ZNF75A: variants seen among roughly 807,000 people sequenced by gnomAD.
The protein encoded by ZNF75A is zinc finger protein 75A.
In ZNF75A, 36 loss-of-function variants were observed where a neutral mutation model predicts 46.3. The ratio of observed to expected loss-of-function variants is 0.78; its 90% CI spans 0.60 to 1.03. The LOEUF (loss-of-function observed/expected upper bound fraction) is 1.03, where lower values mean the gene tolerates loss of function less well. Ranked by LOEUF, ZNF75A falls within the 50% of genes least tolerant of loss-of-function variation. The pLI is 0.00. For synonymous variants in ZNF75A, 234 were observed against 189.9 expected, an observed-to-expected ratio of 1.23 and a Z score of -1.91; for missense variants, 595 against 551.3, an observed-to-expected ratio of 1.08 and a Z score of -0.79.
At chr16:3,314,119 G>A (rs1567270735) in intron 5 of ZNF75A, among the ~76,000 whole-genome samples, 1 of 151,978 alleles carries the variant, frequency 6.6e-6, no homozygotes, top group Non-Finnish European at 1.5e-5. Context: ...ATAATCATCT[G>A]GGGAACCGGT....
chr16:3,314,040 A>T lies in ZNF75A; in HGVS notation c.823+865A>T, dbSNP rs151274414. ...AGTTTTGCTCAACTCAGAAAAATGT[A>T]TATCATGCAAGGGGAAAAAACGCTA... On this transcript the variant is annotated intron_variant, in intron 5 of 6. Coordinates refer to ENST00000669516, the MANE Select transcript of ZNF75A (RefSeq NM_001302109.2). 7.9e-3 allele frequency among the ~76,000 whole-genome samples: 1,209 copies of T among 152,270 alleles called. 11 individuals are homozygous for T. The highest frequency in any genetic ancestry group is 0.024 in the South Asian group (116 of 4,828).
In ZNF75A at chr16:3,308,742, A is replaced by G; in HGVS notation, c.314A>G (p.Gln105Arg). 1.0e-6 allele frequency: 1 copy of G among 989,514 alleles called. No individual in the cohort carries two copies. The highest frequency in any genetic ancestry group is 1.7e-5 in the African/African-American group (1 of 57,522). The allele number at this position is 989,514 out of a possible 1,614,324, so 61.3% of individuals were successfully genotyped here. Reference sequence around the variant, plus strand: ...CTGACTATTCTGCCCAGGGAGACACAGACCCAGATGCAGAAGCACCATCCA... The same window carrying G: ...CTGACTATTCTGCCCAGGGAGACACGGACCCAGATGCAGAAGCACCATCCA... The part of the protein sequence containing the change: ...QFLTILPRET[Q>R]TQMQKHHPQS... Residue 105 changes from glutamine (Q) to arginine (R), a missense_variant, in exon 2 of 7, where the codon CAG (glutamine) becomes CGG (arginine). Coordinates refer to ENST00000669516, the MANE Select transcript of ZNF75A (RefSeq NM_001302109.2).
chr16:3,314,960 T>A (rs1476198040), intron 5 of ZNF75A: 1 of 985,262 alleles, frequency 1.0e-6, no homozygotes, highest in East Asian at 1.1e-4. Flanking sequence ...GGTCTCAGTG[T>A]TCCAGGAGCT....
chr16:3,310,815 T>C (rs533267084), intron 2 of ZNF75A: 1 of 985,562 alleles, frequency 1.0e-6, no homozygotes, highest in East Asian at 1.1e-4. Flanking sequence ...CCCTTAATGC[T>C]TGTTCCTTGG....
At chr16:3,314,672 A>G (rs1176191772) in intron 5 of ZNF75A, 3 of 985,128 alleles carry the variant, frequency 3.0e-6, no homozygotes, top group Non-Finnish European at 3.6e-6. Context: ...CACCTGGCCT[A>G]CCATGCAGTT....
At chr16:3,317,124 T>C (rs1239796269) in intron 6 of ZNF75A, 66 bp from the exon 7 acceptor site, 1 of 1,546,620 alleles carries the variant, frequency 6.5e-7, no homozygotes, top group East Asian at 2.3e-5. Context: ...TCATTGAATT[T>C]TTCTTTTTAT....
At position 3,308,287 on chromosome 16, in the gene ZNF75A, CAT is replaced by C. The variant is rs999974852; in HGVS notation, c.-116-24_-116-23del. On this transcript the variant is annotated intron_variant, in intron 1 of 6. Transcript: ENST00000669516. ...GGTTCATGTGAGTTTCTTATTGATA[CAT>C]ACTTTTCTTTTTCTTGTCCTCAGTG... The C allele has an allele frequency of 3.6e-5, 15 of 413,266 alleles. No individual in the cohort carries two copies. The Admixed American group carries it at 7.7e-4, about 21-fold the overall frequency. The allele number at this position is 413,266 out of a possible 1,614,324, so 25.6% of individuals were successfully genotyped here. A position where few individuals can be genotyped will look rare whatever the true frequency, so the allele number is the denominator to read the frequency against.
chr16:3,308,939 T>C, intron 2 of ZNF75A, 103 bp downstream of exon 2: 1 of 779,858 alleles, frequency 1.3e-6, no homozygotes, highest in Non-Finnish European at 1.6e-6. Context: ...AGGTAGGTCA[T>C]TGTTTGGTTT....
At chr16:3,319,702 C>T (rs570216505), downstream of ZNF75A, among the ~76,000 whole-genome samples, 3 of 152,242 alleles carry the variant, frequency 2.0e-5, no homozygotes, top group East Asian at 5.8e-4. Flanking sequence ...TTTTGCTTTC[C>T]TGCTCCTTGC....
At chr16:3,323,342 T>A, downstream of ZNF75A, 1 of 1,107,472 alleles carries the variant, frequency 9.0e-7, no homozygotes, top group Non-Finnish European at 1.4e-6. Flanking sequence ...AATGCTTCAC[T>A]GGGAGGCAAT....
At chr16:3,312,525 CT>C (rs1960887311) in intron 3 of ZNF75A, among the ~76,000 whole-genome samples, 151 bp from the exon 4 acceptor site, 1 of 152,108 alleles carries the variant, frequency 6.6e-6, no homozygotes, top group South Asian at 2.1e-4. Context: ...ATATTTGATT[CT>C]TATTTATGAA....
At chr16:3,313,586 T>A (rs1960975372) in intron 5 of ZNF75A, among the ~76,000 whole-genome samples, 2 of 152,222 alleles carry the variant, frequency 1.3e-5, no homozygotes, top group Non-Finnish European at 2.9e-5. Context: ...CAATGTCTCA[T>A]CTTCTTGCAC....
chr16:3,318,910 A>G (rs867241589), downstream of ZNF75A: 5 of 879,844 alleles, frequency 5.7e-6, no homozygotes, highest in Middle Eastern at 1.7e-3. Context: ...CCTGTCCTGT[A>G]AGCTCTACCT....
chr16:3,317,156 G>C (rs1961276141), intron 6 of ZNF75A, 34 bp from the exon 7 acceptor site: 1 of 1,568,164 alleles, frequency 6.4e-7, no homozygotes, highest in African/African-American at 1.4e-5. Flanking sequence ...GCTTGTTCTG[G>C]GATACAGATG....
Position 3,317,679 on chromosome 16 carries a change from C to T in ZNF75A, c.1424C>T (p.Thr475Ile). Residue 475 changes from threonine to isoleucine, a missense_variant, in exon 7 of 7, where the codon ACA (threonine) becomes ATA (isoleucine). Transcript: ENST00000669516. ...KSFSQNTNLH[T>I]HQRTHTGEKP... ...TTCAGTCAAAATACAAATTTACATA[C>T]ACACCAAAGAACTCATACAGGAGAA... 6.2e-7 allele frequency: 1 copy of T among 1,614,132 alleles called. No individual in the cohort carries two copies. The highest frequency in any genetic ancestry group is 8.5e-7 in the Non-Finnish European group (1 of 1,180,022).
At chr16:3,320,133 C>T (rs1337092387), downstream of ZNF75A, among the ~76,000 whole-genome samples, 1 of 152,084 alleles carries the variant, frequency 6.6e-6, no homozygotes, top group African/African-American at 2.4e-5. Flanking sequence ...GCAAGCTCCG[C>T]CTCCTGGGTT....
At chr16:3,305,970 G>A (rs1191742410) in intron 1 of ZNF75A, 1 of 152,252 alleles carries the variant, frequency 6.6e-6, no homozygotes, top group African/African-American at 2.4e-5. Context: ...ACTCTTTCCC[G>A]CCTCCGCCGG....
At chr16:3,322,695 A>T (rs2029989178), downstream of ZNF75A, among the ~76,000 whole-genome samples, 1 of 152,162 alleles carries the variant, frequency 6.6e-6, no homozygotes, top group Non-Finnish European at 1.5e-5. Context: ...TGCACCTTTT[A>T]GGAGAAACTA....
intron 2 of ZNF75A, among the ~76,000 whole-genome samples, chr16:3,311,152 G>C (rs915136023): frequency 6.6e-6 from 1 of 152,034 alleles, no homozygotes; most frequent in Non-Finnish European, 1.5e-5. Flanking sequence ...TGAGTGGCCT[G>C]CCTGGCTGGG....
Sources: allele counts gnomAD v4.1 joint callset (sites outside exome capture counted in the v4.1 genomes callset), GRCh38; gene constraint gnomAD v4.1.1; transcripts MANE v1.5; gene names NCBI Gene and HGNC (gene_info 2026-07-23, HGNC 2026-07-21).